The following ELMO1 variants were observed in gnomAD, a reference collection of about 807,000 sequenced individuals.
The protein encoded by ELMO1 is engulfment and cell motility protein 1.
In ELMO1, 26 loss-of-function variants were observed where a neutral mutation model predicts 98.9. The observed-to-expected ratio is 0.26, with a 90% CI of 0.19 to 0.36. The LOEUF is 0.36. Among genes scored for constraint, ELMO1 ranks in the 10% least tolerant of loss-of-function variants. ELMO1 has a pLI of 1.00. For synonymous variants in ELMO1, 346 were observed against 346.0 expected (o/e 1.00, Z 0.00); for missense variants, 627 against 935.2 (o/e 0.67, Z 4.30).
chr7:37,158,427 C>T (rs1788952964), intron 13 of ELMO1, among the ~76,000 whole-genome samples: 1 of 152,096 alleles, frequency 6.6e-6, no homozygotes, highest in Non-Finnish European at 1.5e-5. Context: ...GGACTAATAT[C>T]CAGAATTGAC....
intron 16 of ELMO1, among the ~76,000 whole-genome samples, chr7:36,972,025 C>T (rs1220015157): frequency 6.6e-6 from 1 of 152,150 alleles, no homozygotes; most frequent in African/African-American, 2.4e-5. Flanking sequence ...TGCTCTCAGG[C>T]AGTGGTTGCT....
chr7:37,209,185 A>G (rs1032155543), intron 13 of ELMO1, among the ~76,000 whole-genome samples: 2 of 152,192 alleles, frequency 1.3e-5, no homozygotes, highest in Non-Finnish European at 2.9e-5. Flanking sequence ...GTCATCTCAC[A>G]TAAGAACAGG....
chr7:37,216,593 T>G (rs1793294738), intron 11 of ELMO1, 52 bp downstream of exon 11: 3 of 1,599,346 alleles, frequency 1.9e-6, no homozygotes, highest in African/African-American at 2.7e-5. Context: ...GATTAACAAA[T>G]GCACCAGGCC....
Position 37,124,406 on chromosome 7 carries a change from C to T in ELMO1, c.1191+8724G>A, listed in dbSNP as rs1226831498. Among the ~76,000 whole-genome samples the T allele has an allele frequency of 3.3e-5, 5 of 152,262 alleles. No homozygotes were observed. The East Asian group carries it at 9.6e-4, about 29-fold the overall frequency. The stretch of plus-strand genomic sequence containing the variant: ...AAACCCCATCATCTCAGCCCAAAAT[C>T]TCCTTAAGCTGATAGGCAACTTCAG... On this transcript the variant is annotated intron_variant, in intron 14 of 21. Transcript: ENST00000310758.
At chr7:37,405,602 A>C (rs1275104129) in intron 1 of ELMO1, among the ~76,000 whole-genome samples, 1 of 152,204 alleles carries the variant, frequency 6.6e-6, no homozygotes, top group East Asian at 1.9e-4. Context: ...TTCTGTGTGC[A>C]CGGGACACTG....
intron 16 of ELMO1, among the ~76,000 whole-genome samples, chr7:36,965,066 G>T (rs1584446683): frequency 6.6e-6 from 1 of 152,098 alleles, no homozygotes; most frequent in East Asian, 1.9e-4. Flanking sequence ...AGCTTTCCTG[G>T]CCTGAAACAC....
In ELMO1 at chr7:37,288,604, C is replaced by T. The variant is rs1021411113; in HGVS notation, c.193-16722G>A. 9.2e-5 allele frequency among the ~76,000 whole-genome samples: 14 copies of T among 152,330 alleles called. No individual in the cohort carries two copies. The South Asian group carries it at 1.4e-3, about 16-fold the overall frequency. ...AAGGCCTACAGATGGACAACCAGGG[C>T]CTTGCAGAGTGAGGCTGATTGCCCC... On this transcript the variant is annotated intron_variant, in intron 4 of 21. Coordinates refer to ENST00000310758, the MANE Select transcript of ELMO1 (RefSeq NM_014800.11).
chr7:37,099,301 T>C (rs1403808387), intron 14 of ELMO1, among the ~76,000 whole-genome samples: 1 of 152,240 alleles, frequency 6.6e-6, no homozygotes, highest in African/African-American at 2.4e-5. Context: ...TAGAAAAGAT[T>C]ACAATTATGA....
At chr7:37,154,826 C>A (rs1788623671) in intron 13 of ELMO1, among the ~76,000 whole-genome samples, 1 of 152,170 alleles carries the variant, frequency 6.6e-6, no homozygotes, top group Admixed American at 6.5e-5. Context: ...CACAAAGATA[C>A]TCCTTGAGAA....
At chr7:36,890,347 G>T (rs1165693646) in intron 17 of ELMO1, among the ~76,000 whole-genome samples, 1 of 152,216 alleles carries the variant, frequency 6.6e-6, no homozygotes, top group Non-Finnish European at 1.5e-5. Context: ...CATCAGACTG[G>T]TGAGATTCCT....
chr7:37,252,518 G>A (rs1429654729), intron 6 of ELMO1, among the ~76,000 whole-genome samples: 1 of 152,154 alleles, frequency 6.6e-6, no homozygotes, highest in Admixed American at 6.5e-5. Context: ...TGGGAAAACT[G>A]GCTAGCCATA....
chr7:37,138,329 G>A (rs921786644), intron 13 of ELMO1, among the ~76,000 whole-genome samples: 1 of 150,922 alleles, frequency 6.6e-6, no homozygotes, highest in Admixed American at 6.6e-5. Flanking sequence ...CCATTAGTGA[G>A]ATTAACCAAA....
intron 16 of ELMO1, among the ~76,000 whole-genome samples, chr7:36,943,483 T>C (rs1787218965): frequency 6.6e-6 from 1 of 152,322 alleles, no homozygotes; most frequent in Non-Finnish European, 1.5e-5. Flanking sequence ...TTTGTTCAAC[T>C]GCTTGATCAC....
chr7:37,093,554 G>C (rs1784228724), intron 15 of ELMO1, among the ~76,000 whole-genome samples: 1 of 152,208 alleles, frequency 6.6e-6, no homozygotes, highest in Non-Finnish European at 1.5e-5. Flanking sequence ...AGATAGATTT[G>C]TGTGTAAATC....
chr7:36,865,712 T>G (rs532487809), intron 20 of ELMO1, among the ~76,000 whole-genome samples: 1 of 152,290 alleles, frequency 6.6e-6, no homozygotes, highest in Non-Finnish European at 1.5e-5. Flanking sequence ...TCTCCCAGGC[T>G]CCATGTTTAA....
chr7:37,022,196 G>A (rs113976951), intron 15 of ELMO1, among the ~76,000 whole-genome samples: 2 of 152,278 alleles, frequency 1.3e-5, no homozygotes, highest in African/African-American at 4.8e-5. Context: ...GTGGGCGAAA[G>A]TTTCTTAAAC....
intron 18 of ELMO1, among the ~76,000 whole-genome samples, chr7:36,881,314 C>T (rs1031006020): frequency 2.0e-5 from 3 of 152,162 alleles, no homozygotes; most frequent in Non-Finnish European, 4.4e-5. Context: ...CACAGTGCGT[C>T]GACATGTTGG....
chr7:37,222,759 A>C (rs1793665710), intron 9 of ELMO1, 66 bp from the exon 10 acceptor site: 1 of 1,481,974 alleles, frequency 6.7e-7, no homozygotes, highest in Non-Finnish European at 9.3e-7. Flanking sequence ...CCCTGGGTCA[A>C]ACCATGAAAA....
At chr7:37,405,296 T>A (rs1277030412) in intron 1 of ELMO1, among the ~76,000 whole-genome samples, 1 of 152,170 alleles carries the variant, frequency 6.6e-6, no homozygotes, top group Non-Finnish European at 1.5e-5. Context: ...TGTTCCCTCC[T>A]CCTGGAATGC....
Sources: allele counts gnomAD v4.1 joint callset (sites outside exome capture counted in the v4.1 genomes callset), GRCh38; gene constraint gnomAD v4.1.1; transcripts MANE v1.5; gene names NCBI Gene and HGNC (gene_info 2026-07-23, HGNC 2026-07-21).